The following HS6ST3 variants were observed in gnomAD, a reference collection of about 807,000 sequenced individuals.
The protein encoded by HS6ST3 is heparan-sulfate 6-O-sulfotransferase 3.
In HS6ST3, 12 loss-of-function variants were observed where a neutral mutation model predicts 36.7. The ratio of observed to expected loss-of-function variants is 0.33; its 90% CI spans 0.21 to 0.53. The LOEUF (loss-of-function observed/expected upper bound fraction) is 0.53, where lower values mean the gene tolerates loss of function less well. Among genes scored for constraint, HS6ST3 ranks in the 20% least tolerant of loss-of-function variants. The probability of loss-of-function intolerance (pLI) is 0.95; values close to 1 mark genes in which losing one functional copy is unlikely to be tolerated. For missense variants in HS6ST3, 584 were observed against 640.9 expected, an observed-to-expected ratio of 0.91 and a Z score of 0.96; for synonymous variants, 240 against 257.5, an observed-to-expected ratio of 0.93 and a Z score of 0.65.
intron 1 of HS6ST3, among the ~76,000 whole-genome samples, chr13:96,108,789 AC>A (rs1650908861): frequency 2.6e-5 from 4 of 152,230 alleles, no homozygotes; most frequent in Admixed American, 2.0e-4. Context: ...AGAAGTAGCC[AC>A]AGGAAGTTAA....
intron 1 of HS6ST3, among the ~76,000 whole-genome samples, chr13:96,297,032 A>G (rs1397210271): frequency 6.6e-6 from 1 of 152,092 alleles, no homozygotes; most frequent in African/African-American, 2.4e-5. Flanking sequence ...TCCCAAACCA[A>G]TTAAAACCCT....
Position 96,392,362 on chromosome 13 carries a change from A to G in HS6ST3, c.707+300793A>G, listed in dbSNP as rs2055400079. 1.3e-5 allele frequency among the ~76,000 whole-genome samples: 2 copies of G among 152,232 alleles called. 1 individual carries two copies. The highest frequency in any genetic ancestry group is 4.1e-4 in the South Asian group (2 of 4,832). On this transcript the variant is annotated intron_variant, in intron 1 of 1. Coordinates refer to ENST00000376705, the MANE Select transcript of HS6ST3 (RefSeq NM_153456.4). The stretch of plus-strand genomic sequence containing the variant: ...AATTATGGTCAGAGATGGAAATGCA[A>G]TGATGAGTAGGGAGAGGATGAGGCC...
intron 1 of HS6ST3, among the ~76,000 whole-genome samples, chr13:96,215,978 A>G (rs917349383): frequency 6.6e-6 from 1 of 152,342 alleles, no homozygotes. Flanking sequence ...AATAATGCAT[A>G]GTAGTGAAGA....
chr13:96,222,781 T>A (rs903300241), intron 1 of HS6ST3, among the ~76,000 whole-genome samples: 5 of 152,246 alleles, frequency 3.3e-5, no homozygotes, highest in Non-Finnish European at 7.3e-5. Context: ...TTTTTTAGAT[T>A]TCCATCCTTC....
chr13:96,184,085 C>T (rs2054253252), intron 1 of HS6ST3, among the ~76,000 whole-genome samples: 1 of 151,154 alleles, frequency 6.6e-6, no homozygotes, highest in Non-Finnish European at 1.5e-5. Context: ...CCTGTAGTCT[C>T]AGCTACTCGG....
At chr13:96,627,467 G>A (rs1292717666) in intron 1 of HS6ST3, among the ~76,000 whole-genome samples, 6 of 151,982 alleles carry the variant, frequency 3.9e-5, no homozygotes, top group African/African-American at 1.4e-4. Context: ...TCCATGATTT[G>A]TATTAGCCTA....
intron 1 of HS6ST3, among the ~76,000 whole-genome samples, chr13:96,589,641 T>C (rs1236424190): frequency 6.6e-6 from 1 of 152,146 alleles, no homozygotes; most frequent in East Asian, 1.9e-4. Context: ...TCTTTCTGTT[T>C]TTTGATATGG....
intron 1 of HS6ST3, among the ~76,000 whole-genome samples, chr13:96,524,828 C>A (rs1219080687): frequency 1.3e-5 from 2 of 152,230 alleles, no homozygotes; most frequent in African/African-American, 2.4e-5. Flanking sequence ...AGGCAACGCT[C>A]TGCCCTGCTT....
At chr13:96,614,310 A>C (rs918711009) in intron 1 of HS6ST3, among the ~76,000 whole-genome samples, 7 of 149,412 alleles carry the variant, frequency 4.7e-5, no homozygotes, top group Non-Finnish European at 7.4e-5. Flanking sequence ...AAAAAAAAAA[A>C]AAAAAAAAAA....
rs577352371 is a variant in HS6ST3, at chr13:96,610,817, T to C, written c.708-221673T>C. Among the ~76,000 whole-genome samples, 3 of 151,770 alleles carry C rather than the reference T, an allele frequency of 2.0e-5. No homozygotes were observed. The South Asian group carries it at 6.2e-4, about 32-fold the overall frequency. ...TACCAAATCTTTGCTTTAGAGCCCATTCCCCAGAGAAGTTTGTAGCTGTGC... is the reference window on the plus strand; with the variant it reads ...TACCAAATCTTTGCTTTAGAGCCCACTCCCCAGAGAAGTTTGTAGCTGTGC... On this transcript the variant is annotated intron_variant, in intron 1 of 1. Coordinates refer to ENST00000376705, the MANE Select transcript of HS6ST3 (RefSeq NM_153456.4).
At chr13:96,181,336 T>C (rs1266058239) in intron 1 of HS6ST3, among the ~76,000 whole-genome samples, 2 of 152,236 alleles carry the variant, frequency 1.3e-5, no homozygotes, top group Non-Finnish European at 2.9e-5. Context: ...TGTATACACA[T>C]TGATATTTCC....
intron 1 of HS6ST3, among the ~76,000 whole-genome samples, chr13:96,191,661 G>A (rs904212658): frequency 6.6e-6 from 1 of 152,076 alleles, no homozygotes; most frequent in Non-Finnish European, 1.5e-5. Flanking sequence ...ATCACGGTGT[G>A]AGCTGTTTGT....
chr13:96,529,342 T>C (rs9516717), intron 1 of HS6ST3, among the ~76,000 whole-genome samples: 124,412 of 152,064 alleles, frequency 0.82, 51,962 homozygotes, highest in Non-Finnish European at 0.9. Flanking sequence ...AGTTAGGATG[T>C]GCAAATTAAG....
At chr13:96,782,096 T>G (rs1437495061) in intron 1 of HS6ST3, among the ~76,000 whole-genome samples, 1 of 152,236 alleles carries the variant, frequency 6.6e-6, no homozygotes, top group African/African-American at 2.4e-5. Context: ...TATTGTGAAC[T>G]TTCATGTTTG....
chr13:96,268,834 TAC>T (rs2054705453), intron 1 of HS6ST3, among the ~76,000 whole-genome samples: 1 of 151,660 alleles, frequency 6.6e-6, no homozygotes, highest in Non-Finnish European at 1.5e-5. Context: ...CGCACACACA[TAC>T]ACACACACAC....
At chr13:96,234,783 G>C (rs981092387) in intron 1 of HS6ST3, among the ~76,000 whole-genome samples, 1 of 152,136 alleles carries the variant, frequency 6.6e-6, no homozygotes, top group East Asian at 1.9e-4. Context: ...CAAACCATAT[G>C]AAAAGAATAT....
chr13:96,189,271 G>A (rs530938520), intron 1 of HS6ST3, among the ~76,000 whole-genome samples: 1 of 152,106 alleles, frequency 6.6e-6, no homozygotes, highest in African/African-American at 2.4e-5. Context: ...GTTCGTGAGT[G>A]GGGGCCGAAT....
At chr13:96,539,283 A>G (rs1053744258) in intron 1 of HS6ST3, among the ~76,000 whole-genome samples, 2 of 152,052 alleles carry the variant, frequency 1.3e-5, no homozygotes, top group East Asian at 1.9e-4. Context: ...CTGAGCTCCA[A>G]TGTGTCTCCA....
chr13:96,358,624 A>C (rs887000738), intron 1 of HS6ST3, among the ~76,000 whole-genome samples: 12 of 152,254 alleles, frequency 7.9e-5, no homozygotes, highest in African/African-American at 2.4e-4. Flanking sequence ...GAGTTCGGAT[A>C]GTGGGTTAAA....
Sources: allele counts gnomAD v4.1 joint callset (sites outside exome capture counted in the v4.1 genomes callset), GRCh38; gene constraint gnomAD v4.1.1; transcripts MANE v1.5; gene names NCBI Gene and HGNC (gene_info 2026-07-23, HGNC 2026-07-21).